Variants in NRP1 observed in about 807,000 individuals in gnomAD.
NRP1 encodes neuropilin-1.
NRP1 carries 35 observed loss-of-function variants against 106.7 expected under a neutral mutation model. The ratio of observed to expected loss-of-function variants is 0.33; its 90% confidence interval spans 0.25 to 0.43. The LOEUF (loss-of-function observed/expected upper bound fraction) is 0.43, where lower values mean the gene tolerates loss of function less well. Ranked by LOEUF, NRP1 falls within the 20% of genes least tolerant of loss-of-function variation. The pLI, the probability that NRP1 is intolerant of heterozygous loss-of-function variation, is 1.00. For missense variants in NRP1, 1,024 were observed against 1,170.4 expected (o/e 0.87, Z 1.83); for synonymous variants, 437 against 417.9 (o/e 1.05, Z -0.56).
rs116576476 is a variant in NRP1, at chr10:33,240,465, G to A, written c.981+13563C>T. On this transcript the variant is annotated intron_variant, in intron 6 of 16. Transcript: ENST00000374867. ...ATTATTGGTTTTGCAGTTAATCATG[G>A]CTTTAATTTGTCTACCTTCCCCTTT... 3.3e-3 allele frequency among the ~76,000 whole-genome samples: 506 copies of A among 152,234 alleles called. 4 individuals carry two copies. The highest frequency in any genetic ancestry group is 0.011 in the African/African-American group (447 of 41,542).
chr10:33,198,416 A>T (rs545715023), intron 11 of NRP1, among the ~76,000 whole-genome samples: 1 of 152,108 alleles, frequency 6.6e-6, no homozygotes, highest in African/African-American at 2.4e-5. Context: ...TGCTAGGATT[A>T]CAGGTATGAG....
At chr10:33,205,974 C>G (rs1837742626) in intron 10 of NRP1, 3 of 224,604 alleles carry the variant, frequency 1.3e-5, no homozygotes, top group Non-Finnish European at 2.8e-5. Flanking sequence ...ACTATAAGTT[C>G]CTCCTAAAGT....
intron 2 of NRP1, among the ~76,000 whole-genome samples, chr10:33,277,077 C>T (rs1843751495): frequency 6.7e-6 from 1 of 149,626 alleles, no homozygotes; most frequent in Non-Finnish European, 1.5e-5. Flanking sequence ...TGCACTCCAG[C>T]CTGGGTAACA....
intron 10 of NRP1, among the ~76,000 whole-genome samples, chr10:33,206,531 T>A (rs1467703927): frequency 6.6e-6 from 1 of 152,006 alleles, no homozygotes; most frequent in African/African-American, 2.4e-5. Flanking sequence ...TTTATGGTAT[T>A]TAATGTGCTC....
intron 2 of NRP1, among the ~76,000 whole-genome samples, chr10:33,273,055 A>C (rs897292661): frequency 7.1e-5 from 9 of 127,382 alleles, no homozygotes; most frequent in African/African-American, 2.7e-4. Flanking sequence ...CTCTTGGCAA[A>C]AGTAGAAGCT....
intron 9 of NRP1, among the ~76,000 whole-genome samples, chr10:33,209,901 C>T (rs1180457605): frequency 6.6e-6 from 1 of 152,230 alleles, no homozygotes; most frequent in Non-Finnish European, 1.5e-5. Context: ...CCTGGTAGAT[C>T]AGATGGAGTG....
Position 33,202,838 on chromosome 10 carries a change from A to G in NRP1, c.1864+53T>C. On this transcript the variant is annotated intron_variant, in intron 11 of 16. Coordinates refer to ENST00000374867, the MANE Select transcript of NRP1 (RefSeq NM_003873.7). ...CACACACAGGCGTTAGCTGGTCCCA[A>G]CTAAGACATGAACTGAAATGGTACA... The G allele has an allele frequency of 2.5e-6, 4 of 1,614,194 alleles. No individual in the cohort carries two copies. The highest frequency in any genetic ancestry group is 3.4e-6 in the Non-Finnish European group (4 of 1,180,022).
intron 2 of NRP1, among the ~76,000 whole-genome samples, chr10:33,295,380 C>A (rs1845313864): frequency 6.6e-6 from 1 of 152,178 alleles, no homozygotes; most frequent in African/African-American, 2.4e-5. Context: ...TCAGTCTAGA[C>A]ATAAATAGGC....
intron 15 of NRP1, 89 bp downstream of exon 15, chr10:33,185,539 T>A (rs931456600): frequency 6.1e-6 from 6 of 989,986 alleles, no homozygotes; most frequent in Non-Finnish European, 9.3e-6. Flanking sequence ...AAATTCTAGG[T>A]AGAAATGAGC....
intron 2 of NRP1, among the ~76,000 whole-genome samples, chr10:33,306,355 GGTGTGTGTGTGT>G (rs61242197): frequency 6.1e-5 from 9 of 148,026 alleles, no homozygotes; most frequent in Admixed American, 4.7e-4. Context: ...GGGTCAGAAG[GGTGTGTGTGTGT>G]GTGTGTGTGT....
At chr10:33,238,828 T>A (rs575785565) in intron 6 of NRP1, among the ~76,000 whole-genome samples, 1 of 152,182 alleles carries the variant, frequency 6.6e-6, no homozygotes, top group Non-Finnish European at 1.5e-5. Flanking sequence ...CGATGATGCA[T>A]ATGTACACAT....
intron 7 of NRP1, among the ~76,000 whole-genome samples, chr10:33,223,438 T>C (rs897883720): frequency 1.3e-5 from 2 of 150,262 alleles, no homozygotes; most frequent in African/African-American, 4.9e-5. Context: ...CTGGGCAACA[T>C]AGTGAGACTC....
At chr10:33,301,624 G>A (rs912083442) in intron 2 of NRP1, among the ~76,000 whole-genome samples, 4 of 152,102 alleles carry the variant, frequency 2.6e-5, no homozygotes, top group African/African-American at 7.2e-5. Flanking sequence ...GCCAGTGCGC[G>A]TGACTCTCAG....
intron 2 of NRP1, among the ~76,000 whole-genome samples, chr10:33,285,641 C>A (rs1316070675): frequency 6.6e-6 from 1 of 152,018 alleles, no homozygotes; most frequent in African/African-American, 2.4e-5. Flanking sequence ...ACCAGACTGG[C>A]CAACATGGTG....
intron 2 of NRP1, among the ~76,000 whole-genome samples, chr10:33,311,172 G>A (rs1846583464): frequency 6.6e-6 from 1 of 152,174 alleles, no homozygotes; most frequent in East Asian, 1.9e-4. Context: ...TCGGGGGATT[G>A]AGTGACCTTG....
chr10:33,275,476 G>A (rs1022549465), intron 2 of NRP1, among the ~76,000 whole-genome samples: 6 of 152,082 alleles, frequency 3.9e-5, no homozygotes, highest in African/African-American at 9.7e-5. Context: ...GCTGAGGCAG[G>A]AGAATCACTT....
intron 2 of NRP1, among the ~76,000 whole-genome samples, chr10:33,290,888 A>T (rs142478858): frequency 2.0e-4 from 31 of 152,278 alleles, no homozygotes; most frequent in African/African-American, 7.5e-4. Flanking sequence ...TAAATGCAAG[A>T]CGGCATCTCA....
At chr10:33,231,646 A>G (rs566984828) in intron 6 of NRP1, among the ~76,000 whole-genome samples, 3 of 152,298 alleles carry the variant, frequency 2.0e-5, no homozygotes, top group Admixed American at 6.5e-5. Flanking sequence ...TAAGTTCTAT[A>G]TTAAGTTGTT....
At chr10:33,266,065 A>G (rs530600639) in intron 3 of NRP1, among the ~76,000 whole-genome samples, 1 of 152,146 alleles carries the variant, frequency 6.6e-6, no homozygotes, top group Non-Finnish European at 1.5e-5. Context: ...CTTGTAAGCC[A>G]TGGTTTATTA....
Sources: allele counts gnomAD v4.1 joint callset (sites outside exome capture counted in the v4.1 genomes callset), GRCh38; gene constraint gnomAD v4.1.1; transcripts MANE v1.5; gene names NCBI Gene and HGNC (gene_info 2026-07-23, HGNC 2026-07-21).